BRD10: variants seen among roughly 807,000 people sequenced by gnomAD.
BRD10 encodes bromodomain containing 10, also known as uncharacterized bromodomain-containing protein 10.
At chr9:5,961,659 T>C in the BRD10 span, among the ~76,000 whole-genome samples, 21 of 152,302 alleles carry the variant, frequency 1.4e-4, no homozygotes, top group African/African-American at 4.1e-4. Flanking sequence ...CATGAGATAA[T>C]GGACATTATA....
chr9:5,953,077 T>C, the BRD10 span, among the ~76,000 whole-genome samples: 1 of 152,162 alleles, frequency 6.6e-6, no homozygotes, highest in African/African-American at 2.4e-5. Context: ...AAAAACACTC[T>C]CCAAAATAGA....
the BRD10 span, among the ~76,000 whole-genome samples, chr9:5,992,557 C>T: frequency 6.6e-6 from 1 of 152,230 alleles, no homozygotes; most frequent in African/African-American, 2.4e-5. Flanking sequence ...AAATAGCTCT[C>T]CCGTTGCAAA....
the BRD10 span, chr9:5,968,120 C>T: frequency 2.5e-4 from 389 of 1,573,882 alleles, 1 homozygote; most frequent in Non-Finnish European, 2.8e-4. Context: ...AAGACCTTCA[C>T]GCTTTCTCTG....
At chr9:5,994,968 C>T in the BRD10 span, among the ~76,000 whole-genome samples, 1 of 150,594 alleles carries the variant, frequency 6.6e-6, no homozygotes, top group South Asian at 2.1e-4. Flanking sequence ...GGCACCATCT[C>T]GGCTCACTGC....
the BRD10 span, among the ~76,000 whole-genome samples, chr9:5,997,635 TA>T: frequency 6.6e-6 from 1 of 152,098 alleles, no homozygotes; most frequent in Non-Finnish European, 1.5e-5. Context: ...ATAAACATGG[TA>T]ATTCAAAATA....
At chr9:5,994,195 T>A in the BRD10 span, among the ~76,000 whole-genome samples, 1 of 152,170 alleles carries the variant, frequency 6.6e-6, no homozygotes, top group African/African-American at 2.4e-5. Flanking sequence ...TTTTTAAATA[T>A]GCTTATTTAC....
the BRD10 span, among the ~76,000 whole-genome samples, chr9:5,992,686 T>C: frequency 3.3e-5 from 5 of 149,988 alleles, no homozygotes; most frequent in East Asian, 2.0e-4. Flanking sequence ...TGGTTACTTA[T>C]TGAGTTTTAC....
the BRD10 span, among the ~76,000 whole-genome samples, chr9:5,979,540 T>C: frequency 1.3e-5 from 2 of 151,476 alleles, no homozygotes; most frequent in African/African-American, 4.9e-5. Flanking sequence ...AAAAATCCAC[T>C]ATTTCTGAAA....
the BRD10 span, among the ~76,000 whole-genome samples, chr9:5,964,298 TG>T: frequency 6.7e-6 from 1 of 149,740 alleles, no homozygotes. Flanking sequence ...AAAAAACACA[TG>T]AAAAAATGCT....
At chr9:5,951,753 C>T in the BRD10 span, among the ~76,000 whole-genome samples, 1 of 152,064 alleles carries the variant, frequency 6.6e-6, no homozygotes, top group Non-Finnish European at 1.5e-5. Context: ...TTGCATTTAA[C>T]AGCAAAGTTT....
the BRD10 span, among the ~76,000 whole-genome samples, chr9:5,894,485 G>T: frequency 6.6e-6 from 1 of 152,138 alleles, no homozygotes; most frequent in Non-Finnish European, 1.5e-5. The surrounding 1 kb of genome is among the most constrained non-coding windows in gnomAD (Gnocchi z 4.0). Flanking sequence ...TGGGAGGAGG[G>T]ACGCCACAGA....
chr9:5,908,698 A>T, the BRD10 span: 1 of 1,613,882 alleles, frequency 6.2e-7, no homozygotes, highest in South Asian at 1.1e-5. Flanking sequence ...CCACCACCTT[A>T]TTCACCTTAA....
the BRD10 span, among the ~76,000 whole-genome samples, chr9:5,945,491 A>G: frequency 1.3e-5 from 2 of 152,162 alleles, no homozygotes; most frequent in Non-Finnish European, 1.5e-5. Flanking sequence ...AACAAAATGA[A>G]GTACACATTC....
At chr9:5,978,716 G>C in the BRD10 span, among the ~76,000 whole-genome samples, 1 of 152,066 alleles carries the variant, frequency 6.6e-6, no homozygotes, top group East Asian at 1.9e-4. Flanking sequence ...ACACTTAGAA[G>C]GTTCTCCAAG....
chr9:5,983,962 T>TACACACACACACAC, the BRD10 span, among the ~76,000 whole-genome samples: 252 of 129,704 alleles, frequency 1.9e-3, 2 homozygotes, highest in African/African-American at 4.7e-3. Flanking sequence ...GTATATGCAT[T>TACACACACACACAC]ACACACACAC....
the BRD10 span, chr9:5,909,431 T>C: frequency 1.3e-5 from 2 of 152,244 alleles, no homozygotes; most frequent in East Asian, 1.9e-4. Flanking sequence ...ACTAATTTTG[T>C]AGTTTTAGTA....
the BRD10 span, among the ~76,000 whole-genome samples, chr9:5,967,694 G>GGA: frequency 2.3e-4 from 29 of 123,726 alleles, 1 homozygote; most frequent in Non-Finnish European, 4.2e-4. Context: ...CCCTTAGCCT[G>GGA]AAAAAAAAAA....
chr9:5,970,549 A>G, the BRD10 span, among the ~76,000 whole-genome samples: 8 of 152,190 alleles, frequency 5.3e-5, no homozygotes, highest in African/African-American at 1.9e-4. Context: ...TCTGACACCC[A>G]AAAAATAAGC....
the BRD10 span, among the ~76,000 whole-genome samples, chr9:5,950,793 T>G: frequency 6.6e-6 from 1 of 152,100 alleles, no homozygotes; most frequent in Non-Finnish European, 1.5e-5. Flanking sequence ...AAGACCTTGA[T>G]ATAAAGTGGT....
Sources: gnomAD v4.1 joint callset for allele counts (sites outside exome capture counted in the v4.1 genomes callset) on GRCh38, gnomAD v4.1.1 for gene constraint, Gnocchi (gnomAD v3.1) non-coding constraint, MANE v1.5 for transcripts, NCBI Gene and HGNC (gene_info 2026-07-23, HGNC 2026-07-21) for gene names.